Variants in CDH17 observed in about 807,000 individuals in gnomAD.
CDH17 encodes cadherin-17.
A neutral mutation model predicts 86.3 loss-of-function variants in CDH17; 67 were observed. That is an observed-to-expected ratio of 0.78 (90% CI 0.64 to 0.95). CDH17 has a LOEUF of 0.95. Ranked by LOEUF, CDH17 falls within the 40% of genes least tolerant of loss-of-function variation. The pLI is 0.00. For missense variants in CDH17, 993 were observed against 1,017.6 expected (o/e 0.98, Z 0.33); for synonymous variants, 367 against 366.4 (o/e 1.00, Z -0.02).
intron 15 of CDH17, among the ~76,000 whole-genome samples, chr8:94,139,436 A>G (rs910018612): frequency 1.3e-5 from 2 of 152,202 alleles, no homozygotes; most frequent in Non-Finnish European, 2.9e-5. Context: ...TCCATGTTAG[A>G]TGAAAACTCC....
intron 15 of CDH17, among the ~76,000 whole-genome samples, chr8:94,135,257 G>T (rs1002083225): frequency 6.6e-6 from 1 of 152,126 alleles, no homozygotes; most frequent in Non-Finnish European, 1.5e-5. Context: ...TTGACAGTGG[G>T]GTGTTAAAGT....
At chr8:94,185,518 G>A (rs1301293243) in intron 3 of CDH17, among the ~76,000 whole-genome samples, 1 of 152,158 alleles carries the variant, frequency 6.6e-6, no homozygotes, top group African/African-American at 2.4e-5. Flanking sequence ...CTGGATGTTT[G>A]TCCGTTGTAA....
At chr8:94,153,545 C>A (rs1812894077) in intron 12 of CDH17, among the ~76,000 whole-genome samples, 1 of 152,204 alleles carries the variant, frequency 6.6e-6, no homozygotes, top group Non-Finnish European at 1.5e-5. Context: ...GATATCTGCA[C>A]TCCTATGTTC....
chr8:94,199,974 A>G (rs1182477869), intron 1 of CDH17, among the ~76,000 whole-genome samples: 1 of 152,238 alleles, frequency 6.6e-6, no homozygotes, highest in Non-Finnish European at 1.5e-5. Context: ...AACTGTAAAC[A>G]TTGTCCAACA....
chr8:94,128,185 A>G lies in CDH17; in HGVS notation c.*55T>C, dbSNP rs1254764329. On this transcript the variant is annotated 3_prime_UTR_variant, in exon 18 of 18. Transcript: ENST00000027335. ...GTTAGATGAAAAGTAATAGGATGAG[A>G]TGGTTGTTGCTGAAATAGCACTTGC... 88 of 1,064,738 alleles carry G rather than the reference A, an allele frequency of 8.3e-5. No homozygotes were observed. The highest frequency in any genetic ancestry group is 9.9e-5 in the Non-Finnish European group (68 of 683,446). The allele number at this position is 1,064,738 out of a possible 1,614,324, so 66.0% of individuals were successfully genotyped here.
intron 1 of CDH17, among the ~76,000 whole-genome samples, chr8:94,215,915 T>G (rs1041811070): frequency 2.0e-5 from 3 of 152,100 alleles, no homozygotes; most frequent in African/African-American, 7.2e-5. Flanking sequence ...TCTTTTGTTT[T>G]TTGTGTTTTT....
chr8:94,189,684 C>A (rs1052642981), intron 2 of CDH17, among the ~76,000 whole-genome samples: 5 of 152,154 alleles, frequency 3.3e-5, no homozygotes, highest in African/African-American at 1.2e-4. Context: ...TCATAAAACA[C>A]CTCCCTCCAC....
At chr8:94,182,264 T>C (rs1813499808) in intron 3 of CDH17, among the ~76,000 whole-genome samples, 1 of 152,070 alleles carries the variant, frequency 6.6e-6, no homozygotes, top group Non-Finnish European at 1.5e-5. Context: ...GGAACACTTA[T>C]TCAATTCATT....
chr8:94,148,628 G>A (rs1337961753), intron 14 of CDH17, 116 bp downstream of exon 14: 2 of 645,646 alleles, frequency 3.1e-6, no homozygotes, highest in Non-Finnish European at 4.7e-6. Context: ...CTTTAAGGTT[G>A]TGATATTCTG....
rs1813531676 is a variant in CDH17 at position 94,184,053 on chromosome 8, AAGAC to A, written c.150+5130_150+5133del. Among the ~76,000 whole-genome samples, 5 of 152,098 alleles carry A rather than the reference AAGAC, an allele frequency of 3.3e-5. No homozygotes were observed. In the South Asian group the frequency reaches 8.3e-4, roughly 25 times the overall value. Reference sequence around the variant, plus strand: ...GATAGCTATAATTAAAAAAAAAAAAAAGACAGATAATAACAAGTGCTAAGGATAT... The same window carrying A: ...GATAGCTATAATTAAAAAAAAAAAAAAGATAATAACAAGTGCTAAGGATAT... On this transcript the variant is annotated intron_variant, in intron 3 of 17. Coordinates refer to ENST00000027335, the MANE Select transcript of CDH17 (RefSeq NM_004063.4).
At chr8:94,200,417 C>T (rs576587714) in intron 1 of CDH17, among the ~76,000 whole-genome samples, 31 of 152,000 alleles carry the variant, frequency 2.0e-4, no homozygotes, top group Admixed American at 1.2e-3. Context: ...GAATTTTTGC[C>T]GTTTGTCAGG....
chr8:94,205,001 G>A (rs746314529), intron 1 of CDH17, among the ~76,000 whole-genome samples: 11 of 152,188 alleles, frequency 7.2e-5, no homozygotes, highest in Non-Finnish European at 1.0e-4. Context: ...AGACCTTGAC[G>A]ATGACCTTGT....
chr8:94,182,999 A>G (rs1813511533), intron 3 of CDH17, among the ~76,000 whole-genome samples: 1 of 152,108 alleles, frequency 6.6e-6, no homozygotes, highest in Non-Finnish European at 1.5e-5. Flanking sequence ...TTAAAATTCC[A>G]TTTACAACCA....
intron 7 of CDH17, among the ~76,000 whole-genome samples, chr8:94,172,700 CT>C (rs1813292822): frequency 6.6e-6 from 1 of 152,160 alleles, no homozygotes; most frequent in African/African-American, 2.4e-5. Context: ...TAACCCACAG[CT>C]TTCATGTGGA....
At chr8:94,194,906 A>G (rs1164915794) in intron 1 of CDH17, among the ~76,000 whole-genome samples, 1 of 152,222 alleles carries the variant, frequency 6.6e-6, no homozygotes, top group Admixed American at 6.5e-5. Context: ...GCAAGCCAAC[A>G]TCTCAAAACA....
At chr8:94,158,493 T>C (rs1382109396) in intron 12 of CDH17, among the ~76,000 whole-genome samples, 1 of 152,178 alleles carries the variant, frequency 6.6e-6, no homozygotes, top group African/African-American at 2.4e-5. Flanking sequence ...GGCCTCTATC[T>C]TCCCTTAGAT....
chr8:94,204,065 T>C (rs1275424181), intron 1 of CDH17, among the ~76,000 whole-genome samples: 7 of 152,202 alleles, frequency 4.6e-5, no homozygotes. Context: ...TGGTTTAGAT[T>C]GATATAATCA....
At chr8:94,157,180 A>G (rs1812963772) in intron 12 of CDH17, among the ~76,000 whole-genome samples, 1 of 152,248 alleles carries the variant, frequency 6.6e-6, no homozygotes, top group Admixed American at 6.5e-5. Flanking sequence ...CACATTTGTA[A>G]TTCAGATGAA....
intron 2 of CDH17, 64 bp from the exon 3 acceptor site, chr8:94,189,349 A>C: frequency 8.6e-7 from 1 of 1,163,756 alleles, no homozygotes; most frequent in Admixed American, 2.1e-5. Flanking sequence ...CATTGATTTT[A>C]TTAGGGCTTC....
Sources: allele counts gnomAD v4.1 joint callset (sites outside exome capture counted in the v4.1 genomes callset), GRCh38; gene constraint gnomAD v4.1.1; transcripts MANE v1.5; gene names NCBI Gene and HGNC (gene_info 2026-07-23, HGNC 2026-07-21).